AGFG1: variants seen among roughly 807,000 people sequenced by gnomAD.
AGFG1 encodes the protein ArfGAP with FG repeats 1.
In AGFG1, 10 loss-of-function variants were observed where a neutral mutation model predicts 60.6. The observed-to-expected ratio is 0.16, with a 90% CI of 0.10 to 0.28. AGFG1 has a LOEUF of 0.28. AGFG1 is among the 10% of genes least tolerant of loss of function. The pLI is 1.00. For synonymous variants in AGFG1, 247 were observed against 242.9 expected, an observed-to-expected ratio of 1.02 and a Z score of -0.16; for missense variants, 537 against 676.5, an observed-to-expected ratio of 0.79 and a Z score of 2.29.
At position 227,556,328 on chromosome 2, in the gene AGFG1, A is replaced by G. The variant is rs909847236; in HGVS notation, c.*1833A>G. ...GTTAAAACATTGCTGTCTAGTGTAC[A>G]TCTAGCTAAAAGTGTGGTTTATCTA... On this transcript the variant is annotated 3_prime_UTR_variant, in exon 13 of 13. Coordinates refer to ENST00000310078, the MANE Select transcript of AGFG1 (RefSeq NM_004504.5). 5.2e-5 allele frequency: 8 copies of G among 152,740 alleles called. No individual in the cohort carries two copies. In the East Asian group the frequency reaches 1.5e-3, roughly 29 times the overall value. The allele number at this position is 152,740 out of a possible 1,614,324, so 9.5% of individuals were successfully genotyped here.
chr2:227,514,082 A>G (rs1691580724), intron 2 of AGFG1, among the ~76,000 whole-genome samples: 1 of 152,178 alleles, frequency 6.6e-6, no homozygotes, highest in Admixed American at 6.5e-5. Context: ...GCAGGAATGA[A>G]GGGAGATCTA....
In AGFG1 at chr2:227,524,758, G is replaced by C. The variant is rs756036502; in HGVS notation, c.541-4G>C. 1 of 1,613,818 alleles carries C rather than the reference G, an allele frequency of 6.2e-7. No individual in the cohort carries two copies. Among genetic ancestry groups the C allele is most frequent in the African/African-American group, 1.3e-5 (1 of 74,924 alleles). ...TATCTTTATAGTTAATATGTGGTTT[G>C]TAGTCCCCAGTTGTAGGTCGTTCTC... On this transcript the variant is annotated splice_polypyrimidine_tract_variant and splice_region_variant and intron_variant, in intron 4 of 12. Coordinates refer to ENST00000310078, the MANE Select transcript of AGFG1 (RefSeq NM_004504.5).
intron 1 of AGFG1, among the ~76,000 whole-genome samples, chr2:227,484,003 G>T (rs1690546338): frequency 6.6e-6 from 1 of 151,960 alleles, no homozygotes; most frequent in Non-Finnish European, 1.5e-5. Flanking sequence ...TGCCATGTTG[G>T]TGTGCTGCAC....
intron 10 of AGFG1, among the ~76,000 whole-genome samples, chr2:227,540,338 C>A (rs565090754): frequency 2.6e-4 from 40 of 152,102 alleles, no homozygotes; most frequent in African/African-American, 9.6e-4. Flanking sequence ...TGGTATCCCT[C>A]CCCCACTCTA....
At chr2:227,541,257 G>A (rs1354471331) in intron 10 of AGFG1, among the ~76,000 whole-genome samples, 1 of 152,134 alleles carries the variant, frequency 6.6e-6, no homozygotes, top group Non-Finnish European at 1.5e-5. Flanking sequence ...TTTTAGTCAC[G>A]AAGTCCTTGC....
At chr2:227,495,975 AG>A (rs1489719342) in intron 2 of AGFG1, among the ~76,000 whole-genome samples, 1 of 151,420 alleles carries the variant, frequency 6.6e-6, no homozygotes, top group African/African-American at 2.4e-5. Flanking sequence ...AAAATTAGCC[AG>A]GCATGGTGGT....
intron 1 of AGFG1, among the ~76,000 whole-genome samples, chr2:227,474,170 A>G (rs954117401): frequency 6.6e-6 from 1 of 152,228 alleles, no homozygotes; most frequent in African/African-American, 2.4e-5. Flanking sequence ...CAGAAAAAGG[A>G]GTTAAGCTAG....
intron 1 of AGFG1, among the ~76,000 whole-genome samples, chr2:227,478,204 G>T (rs1690342516): frequency 6.9e-6 from 1 of 144,712 alleles, no homozygotes. Flanking sequence ...TAGTGGATAA[G>T]TTTATCAAAA....
At position 227,472,490 on chromosome 2, in the gene AGFG1, C is replaced by T. The variant is rs1322443868; in HGVS notation, c.69C>T (p.Leu23=). 5 of 1,580,418 alleles carry T rather than the reference C, an allele frequency of 3.2e-6. No homozygotes were observed. The highest frequency in any genetic ancestry group is 4.3e-6 in the Non-Finnish European group (5 of 1,163,686). Reference sequence around the variant, plus strand: ...AGATGCTGCGGGACATGACCGGCCTCCCGCACAACCGAAAGTGCTTCGACT... The same window carrying T: ...AGATGCTGCGGGACATGACCGGCCTTCCGCACAACCGAAAGTGCTTCGACT... The part of the protein sequence containing the change: ...HLKMLRDMTG[L]PHNRKCFDCD... Residue 23 remains leucine (L), a synonymous_variant, in exon 1 of 13, where the codon CTC becomes CTT. Transcript: ENST00000310078.
At chr2:227,546,152 T>C (rs990882461) in intron 10 of AGFG1, among the ~76,000 whole-genome samples, 1 of 152,228 alleles carries the variant, frequency 6.6e-6, no homozygotes, top group Non-Finnish European at 1.5e-5. Flanking sequence ...TAGTTCAAGC[T>C]TCCTGGCCAC....
intron 10 of AGFG1, among the ~76,000 whole-genome samples, chr2:227,545,029 C>A (rs1321017461): frequency 6.6e-6 from 1 of 152,196 alleles, no homozygotes; most frequent in Non-Finnish European, 1.5e-5. Flanking sequence ...GGGAAGTTCT[C>A]CTGGATAATA....
intron 10 of AGFG1, among the ~76,000 whole-genome samples, chr2:227,541,607 A>G (rs1001652156): frequency 1.3e-5 from 2 of 152,162 alleles, no homozygotes; most frequent in African/African-American, 2.4e-5. Flanking sequence ...GCCTTGTAGT[A>G]TAGTTTTAAA....
intron 6 of AGFG1, among the ~76,000 whole-genome samples, chr2:227,531,824 T>C (rs1317802887): frequency 2.0e-5 from 3 of 152,162 alleles, no homozygotes; most frequent in African/African-American, 7.2e-5. Flanking sequence ...TCTGTAGAGC[T>C]AAAAATGTAA....
intron 2 of AGFG1, 144 bp downstream of exon 2, chr2:227,491,784 T>A: frequency 1.9e-6 from 1 of 513,560 alleles, no homozygotes; most frequent in East Asian, 3.3e-5. Flanking sequence ...TTTTAAAATG[T>A]ACTCATTTAA....
chr2:227,540,428 G>A (rs1022517822), intron 10 of AGFG1, among the ~76,000 whole-genome samples: 1 of 152,076 alleles, frequency 6.6e-6, no homozygotes, highest in African/African-American at 2.4e-5. Context: ...TCCCACCTAT[G>A]AGTTAGAACA....
At chr2:227,490,818 G>A (rs893981448) in intron 1 of AGFG1, among the ~76,000 whole-genome samples, 1 of 152,154 alleles carries the variant, frequency 6.6e-6, no homozygotes, top group Non-Finnish European at 1.5e-5. Flanking sequence ...TCATGTGCGT[G>A]TTCAAACATC....
At chr2:227,498,787 TACTTA>T (rs1419614320) in intron 2 of AGFG1, among the ~76,000 whole-genome samples, 3 of 152,350 alleles carry the variant, frequency 2.0e-5, no homozygotes, top group South Asian at 4.1e-4. Flanking sequence ...TCTGAGAGTT[TACTTA>T]ACTTTTTTTA....
intron 5 of AGFG1, among the ~76,000 whole-genome samples, chr2:227,529,154 A>T (rs1277844925): frequency 6.6e-6 from 1 of 152,154 alleles, no homozygotes; most frequent in Non-Finnish European, 1.5e-5. Context: ...TTTTCCTTCT[A>T]CTATGGTTGA....
intron 3 of AGFG1, among the ~76,000 whole-genome samples, chr2:227,522,734 TAAG>T (rs1433568651): frequency 6.6e-6 from 1 of 152,150 alleles, no homozygotes; most frequent in Non-Finnish European, 1.5e-5. Flanking sequence ...ATATGGGGAA[TAAG>T]AAGGAGGGTA....
Sources: allele counts gnomAD v4.1 joint callset (sites outside exome capture counted in the v4.1 genomes callset), GRCh38; gene constraint gnomAD v4.1.1; transcripts MANE v1.5; gene names NCBI Gene and HGNC (gene_info 2026-07-23, HGNC 2026-07-21).